The following MICAL2 variants were observed in gnomAD, a reference collection of about 807,000 sequenced individuals.
MICAL2 encodes the protein [F-actin]-monooxygenase MICAL2.
Under a neutral mutation model 127.3 loss-of-function variants are expected in MICAL2, and 77 were observed. The observed-to-expected ratio is 0.60, with a 90% CI of 0.50 to 0.73. MICAL2 has a LOEUF of 0.73. Ranked by LOEUF, MICAL2 falls within the 30% of genes least tolerant of loss-of-function variation. The pLI is 0.00. For synonymous variants in MICAL2, 570 were observed against 551.1 expected (o/e 1.03, Z -0.48); for missense variants, 1,351 against 1,434.4 (o/e 0.94, Z 0.94).
At chr11:12,260,320 G>A (rs1382191452) in intron 26 of MICAL2, 88 of 1,418,590 alleles carry the variant, frequency 6.2e-5, no homozygotes, top group Middle Eastern at 2.6e-4. Context: ...GGCCACCTCC[G>A]CCTGGCCTTA....
chr11:12,162,307 C>G lies in MICAL2; in HGVS notation c.152C>G (p.Ser51Cys). The G allele has an allele frequency of 6.2e-7, 1 of 1,614,244 alleles. No individual in the cohort carries two copies. Among genetic ancestry groups the G allele is most frequent in the Non-Finnish European group, 8.5e-7 (1 of 1,180,048 alleles). Residue 51 changes from serine to cysteine, a missense_variant, in exon 3 of 28, where the codon TCC (serine) becomes TGC (cysteine). Ser to Cys is a moderately radical substitution (Grantham distance 112, BLOSUM62 -1). This residue lies in a region of MICAL2 where 599 missense variants were observed against 714.9 expected (regional missense o/e 0.84). Transcript: ENST00000683283. The part of the protein sequence containing the change: ...LDPLDHRNFY[S>C]KLKSKVTTWK... ...CCTCTGGACCACAGAAACTTTTATT[C>G]CAAGCTCAAGTCCAAGGTGACCACC...
At chr11:12,359,144 G>C (rs1484505285), downstream of MICAL2, 3 of 152,328 alleles carry the variant, frequency 2.0e-5, no homozygotes, top group Non-Finnish European at 4.4e-5. Context: ...TTTATTTTAA[G>C]AAGAAAAGAA....
intron 1 of MICAL2, among the ~76,000 whole-genome samples, chr11:12,115,882 C>A (rs1232437921): frequency 2.0e-5 from 3 of 152,168 alleles, no homozygotes; most frequent in Non-Finnish European, 4.4e-5. Context: ...AAAGCCCCAG[C>A]ACTATTGGGA....
At chr11:12,327,042 G>T (rs1052712642) in intron 31 of MICAL2, 7 of 754,860 alleles carry the variant, frequency 9.3e-6, no homozygotes, top group African/African-American at 8.7e-5. Flanking sequence ...AGAGGTCCTT[G>T]CCTAGTTATT....
intron 25 of MICAL2, among the ~76,000 whole-genome samples, chr11:12,259,432 C>T (rs1004196265): frequency 2.0e-5 from 3 of 152,198 alleles, no homozygotes; most frequent in Admixed American, 2.0e-4. Flanking sequence ...TACTTCACCA[C>T]TTCTGTATTA....
At chr11:12,262,310 T>C (rs1309274912) in intron 26 of MICAL2, 170 bp from the exon 27 acceptor site, 4 of 1,455,970 alleles carry the variant, frequency 2.7e-6, no homozygotes, top group Non-Finnish European at 3.6e-6. Context: ...GAAAGGTTCA[T>C]CTCTCCTAAG....
downstream of MICAL2, among the ~76,000 whole-genome samples, chr11:12,288,370 A>G (rs1441159508): frequency 6.6e-6 from 1 of 152,098 alleles, no homozygotes; most frequent in Admixed American, 6.5e-5. Context: ...ACTGTGTGCC[A>G]CCAGTGTGGG....
rs1864148918 is a variant in MICAL2 at position 12,309,558 on chromosome 11, A to G, written c.5213-10138A>G. ...ATTCCATTGTGTATATATATACCAC[A>G]TTTTCTTTATTCATTCATCTGTTTA... On this transcript the variant is annotated intron_variant, in intron 29 of 34. Transcript: ENST00000646065. Among the ~76,000 whole-genome samples the G allele has an allele frequency of 2.0e-5, 3 of 152,126 alleles. No homozygotes were observed. In the South Asian group the frequency reaches 6.2e-4, roughly 32 times the overall value.
At chr11:12,262,334 T>G in intron 26 of MICAL2, 146 bp from the exon 27 acceptor site, 1 of 1,513,776 alleles carries the variant, frequency 6.6e-7, no homozygotes. Context: ...ACAGCGACTC[T>G]TTCAGAGGAA....
intron 3 of MICAL2, among the ~76,000 whole-genome samples, chr11:12,196,517 G>T (rs1372812007): frequency 2.0e-5 from 3 of 152,122 alleles, no homozygotes; most frequent in Non-Finnish European, 2.9e-5. Flanking sequence ...GCACTTCCAG[G>T]TATAGAGGAC....
chr11:12,120,950 G>T (rs1445197308), intron 1 of MICAL2, among the ~76,000 whole-genome samples: 11 of 152,222 alleles, frequency 7.2e-5, no homozygotes, highest in Admixed American at 6.5e-4. Flanking sequence ...GGAACAGGGT[G>T]GGGGGCAGTA....
At chr11:12,313,102 A>C (rs112937922) in intron 29 of MICAL2, among the ~76,000 whole-genome samples, 2,865 of 133,226 alleles carry the variant, frequency 0.022, 97 homozygotes, top group African/African-American at 0.074. Context: ...GGAGAGGCGG[A>C]GCTTGCAGTG....
At chr11:12,278,722 T>G (rs559338315) in intron 1 of MICAL2, among the ~76,000 whole-genome samples, 1 of 152,296 alleles carries the variant, frequency 6.6e-6, no homozygotes, top group South Asian at 2.1e-4. Flanking sequence ...ATGGATTTGT[T>G]AATGGACTGA....
At chr11:12,164,749 C>CT (rs1186938368) in intron 3 of MICAL2, among the ~76,000 whole-genome samples, 1 of 151,990 alleles carries the variant, frequency 6.6e-6, no homozygotes, top group Non-Finnish European at 1.5e-5. Flanking sequence ...GAGGAACTGG[C>CT]TACTGTGATT....
chr11:12,168,915 C>G (rs1037379984), intron 3 of MICAL2, among the ~76,000 whole-genome samples: 1 of 131,512 alleles, frequency 7.6e-6, no homozygotes, highest in Non-Finnish European at 1.5e-5. Context: ...CCAGAGTACT[C>G]TAGCCTGGGC....
At chr11:12,239,622 TG>T in intron 17 of MICAL2, 37 bp downstream of exon 17, 1 of 1,602,386 alleles carries the variant, frequency 6.2e-7, no homozygotes, top group Admixed American at 1.7e-5. Context: ...CCTAACTTCC[TG>T]GTGACTTTTC....
At chr11:12,320,839 A>T (rs1348687529) in intron 30 of MICAL2, among the ~76,000 whole-genome samples, 2 of 151,980 alleles carry the variant, frequency 1.3e-5, no homozygotes, top group Admixed American at 6.6e-5. Context: ...GAGGGAGAAG[A>T]GAGAGAGACA....
At chr11:12,176,405 G>A (rs1332018782) in intron 3 of MICAL2, among the ~76,000 whole-genome samples, 2 of 152,196 alleles carry the variant, frequency 1.3e-5, no homozygotes, top group Non-Finnish European at 2.9e-5. Flanking sequence ...GAAAACACAT[G>A]TAAAACATAT....
intron 32 of MICAL2, among the ~76,000 whole-genome samples, chr11:12,331,808 G>T (rs1337988750): frequency 6.6e-6 from 1 of 152,078 alleles, no homozygotes; most frequent in Non-Finnish European, 1.5e-5. Context: ...CCACAAAAGG[G>T]CCTGAAATAA....
Sources: allele counts gnomAD v4.1 joint callset (sites outside exome capture counted in the v4.1 genomes callset), GRCh38; gene constraint gnomAD v4.1.1; regional missense constraint gnomAD v4.1.1; transcripts MANE v1.5; gene names NCBI Gene and HGNC (gene_info 2026-07-23, HGNC 2026-07-21).